The following GSE1 variants were observed in gnomAD, a reference collection of about 807,000 sequenced individuals.
The protein encoded by GSE1 is Gse1 coiled-coil protein, also known as genetic suppressor element 1.
Under a neutral mutation model 112.6 loss-of-function variants are expected in GSE1, and 32 were observed. That is an observed-to-expected ratio of 0.28 (90% CI 0.21 to 0.38). The LOEUF (loss-of-function observed/expected upper bound fraction) is 0.38, where lower values mean the gene tolerates loss of function less well. Ranked by LOEUF, GSE1 falls within the 10% of genes least tolerant of loss-of-function variation. The probability of loss-of-function intolerance (pLI) is 1.00; values close to 1 mark genes in which losing one functional copy is unlikely to be tolerated. For synonymous variants in GSE1, 1,115 were observed against 735.6 expected, an observed-to-expected ratio of 1.52 and a Z score of -8.35; for missense variants, 2,348 against 1,699.2, an observed-to-expected ratio of 1.38 and a Z score of -6.71.
intron 1 of GSE1, among the ~76,000 whole-genome samples, chr16:85,221,743 T>C (rs2075397238): frequency 6.6e-6 from 1 of 151,998 alleles, no homozygotes; most frequent in South Asian, 2.1e-4. Context: ...CTTTCCTTCA[T>C]GTCCAGGCAG....
intron 2 of GSE1, among the ~76,000 whole-genome samples, chr16:85,385,205 G>GTGCCTCCAGCCTGTGGC (rs1247062697): frequency 1.3e-5 from 2 of 152,236 alleles, no homozygotes; most frequent in Non-Finnish European, 2.9e-5. Flanking sequence ...TTTGGGGTGG[G>GTGCCTCCAGCCTGTGGC]TGCCTCCAGC....
At chr16:85,385,322 C>A (rs1010939065) in intron 2 of GSE1, among the ~76,000 whole-genome samples, 2 of 152,220 alleles carry the variant, frequency 1.3e-5, no homozygotes, top group African/African-American at 4.8e-5. Context: ...TGCCCCTTGC[C>A]CCTGACGCCA....
intron 1 of GSE1, among the ~76,000 whole-genome samples, chr16:85,262,380 A>G (rs1018996226): frequency 6.6e-6 from 1 of 152,090 alleles, no homozygotes; most frequent in Non-Finnish European, 1.5e-5. Context: ...GGGGCCAGCT[A>G]GAGTTTGCAT....
intron 2 of GSE1, among the ~76,000 whole-genome samples, chr16:85,371,464 T>C (rs540495459): frequency 3.0e-4 from 46 of 152,164 alleles, no homozygotes; most frequent in African/African-American, 1.1e-3. Flanking sequence ...GGAGCATGAG[T>C]GCTGGCCCAG....
chr16:85,470,950 T>C (rs578172148), intron 2 of GSE1, among the ~76,000 whole-genome samples: 2 of 152,362 alleles, frequency 1.3e-5, no homozygotes, highest in South Asian at 2.1e-4. Flanking sequence ...TCCTGACACA[T>C]AGCGCGTTGC....
intron 2 of GSE1, among the ~76,000 whole-genome samples, chr16:85,510,424 G>GTGTGTGTGTGTC (rs1400738836): frequency 3.3e-5 from 5 of 152,106 alleles, no homozygotes; most frequent in Admixed American, 6.5e-5. Flanking sequence ...GTGTGTCTGT[G>GTGTGTGTGTGTC]TGTGTGTGTG....
chr16:85,368,624 G>C (rs1000461541), intron 2 of GSE1, among the ~76,000 whole-genome samples: 1 of 152,188 alleles, frequency 6.6e-6, no homozygotes, highest in Non-Finnish European at 1.5e-5. Flanking sequence ...AGGATCGCTT[G>C]AGCCCAGGAG....
chr16:85,325,414 A>C (rs4783163), intron 1 of GSE1, among the ~76,000 whole-genome samples: 20,721 of 151,840 alleles, frequency 0.14, 2,060 homozygotes, highest in East Asian at 0.39. Flanking sequence ...CCAAAAATTG[A>C]GTCCTGTGAT....
At chr16:85,456,407 C>T (rs1327996261) in intron 2 of GSE1, among the ~76,000 whole-genome samples, 1 of 152,146 alleles carries the variant, frequency 6.6e-6, no homozygotes, top group Non-Finnish European at 1.5e-5. Flanking sequence ...ATCTCTACCA[C>T]CCTCTGCCTT....
intron 1 of GSE1, among the ~76,000 whole-genome samples, chr16:85,308,936 G>A (rs950143804): frequency 2.0e-5 from 3 of 149,676 alleles, no homozygotes; most frequent in Non-Finnish European, 3.0e-5. Flanking sequence ...GGGCTTTTCA[G>A]AAGCGCAGAT....
intron 2 of GSE1, among the ~76,000 whole-genome samples, chr16:85,397,319 G>A (rs918064743): frequency 3.3e-5 from 5 of 152,218 alleles, no homozygotes; most frequent in African/African-American, 7.2e-5. Flanking sequence ...TGCGACCCCC[G>A]CTCCCACCCT....
intron 2 of GSE1, among the ~76,000 whole-genome samples, chr16:85,458,216 C>A (rs982679364): frequency 6.6e-6 from 1 of 152,216 alleles, no homozygotes; most frequent in Non-Finnish European, 1.5e-5. Flanking sequence ...GGACCCCCTG[C>A]CTCGCTCCCG....
At chr16:85,375,250 G>A (rs1597524640) in intron 2 of GSE1, among the ~76,000 whole-genome samples, 1 of 152,186 alleles carries the variant, frequency 6.6e-6, no homozygotes, top group Non-Finnish European at 1.5e-5. Flanking sequence ...CTGGATCCCA[G>A]TGTCACCTCC....
chr16:85,624,460 G>T (rs78159968), intron 1 of GSE1, among the ~76,000 whole-genome samples: 2 of 152,212 alleles, frequency 1.3e-5, no homozygotes. Context: ...ATTCCCAGCC[G>T]TGTAGGTCCC....
chr16:85,363,296 C>T (rs1371162590), intron 2 of GSE1, among the ~76,000 whole-genome samples: 1 of 152,222 alleles, frequency 6.6e-6, no homozygotes, highest in Non-Finnish European at 1.5e-5. Context: ...CCTTGCTTGA[C>T]AGGGGTGCTG....
intron 1 of GSE1, among the ~76,000 whole-genome samples, chr16:85,615,839 G>A (rs1384573399): frequency 6.6e-6 from 1 of 152,232 alleles, no homozygotes; most frequent in African/African-American, 2.4e-5. Flanking sequence ...CCTGACCCGG[G>A]TCTGGGGGTT....
intron 1 of GSE1, among the ~76,000 whole-genome samples, chr16:85,329,943 C>G (rs1315318727): frequency 1.3e-5 from 2 of 149,188 alleles, no homozygotes; most frequent in Non-Finnish European, 3.0e-5. Flanking sequence ...GGTGGGGGGG[C>G]AGGGGTAAGA....
At chr16:85,627,997 G>A (rs963842082) in intron 1 of GSE1, among the ~76,000 whole-genome samples, 2 of 152,128 alleles carry the variant, frequency 1.3e-5, no homozygotes, top group African/African-American at 4.8e-5. Context: ...GGCCTCGGGG[G>A]CAGCAGCCTT....
chr16:85,343,402 C>G (rs905177643), intron 1 of GSE1, among the ~76,000 whole-genome samples: 1 of 151,994 alleles, frequency 6.6e-6, no homozygotes, highest in Non-Finnish European at 1.5e-5. Flanking sequence ...TGAAGGGTGT[C>G]GGGGATGGCT....
Sources: allele counts gnomAD v4.1 joint callset (sites outside exome capture counted in the v4.1 genomes callset), GRCh38; gene constraint gnomAD v4.1.1; transcripts MANE v1.5; gene names NCBI Gene and HGNC (gene_info 2026-07-23, HGNC 2026-07-21).